RBFOX1: variants seen among roughly 807,000 people sequenced by gnomAD.
RBFOX1 encodes RNA binding fox-1 homolog 1.
In RBFOX1, 8 loss-of-function variants were observed where a neutral mutation model predicts 57.7. The ratio of observed to expected loss-of-function variants is 0.14; its 90% CI spans 0.08 to 0.25. The LOEUF is 0.25. Ranked by LOEUF, RBFOX1 falls within the 10% of genes least tolerant of loss-of-function variation. RBFOX1 has a pLI of 1.00. For missense variants in RBFOX1, 611 were observed against 548.5 expected (o/e 1.11, Z -1.14); for synonymous variants, 326 against 222.4 (o/e 1.47, Z -4.15).
chr16:7,301,368 C>T (rs1281450875), intron 4 of RBFOX1, among the ~76,000 whole-genome samples: 1 of 152,214 alleles, frequency 6.6e-6, no homozygotes, highest in African/African-American at 2.4e-5. Flanking sequence ...CAGAGCCCGA[C>T]TCCAAATAAT....
At chr16:5,635,367 C>T (rs1225521854) in intron 3 of RBFOX1, among the ~76,000 whole-genome samples, 5 of 152,160 alleles carry the variant, frequency 3.3e-5, no homozygotes, top group African/African-American at 9.7e-5. Flanking sequence ...GAATGTGGTT[C>T]TCTAGGCAGC....
chr16:5,855,789 C>G (rs1171774420), intron 3 of RBFOX1, among the ~76,000 whole-genome samples: 1 of 151,872 alleles, frequency 6.6e-6, no homozygotes, highest in Non-Finnish European at 1.5e-5. Context: ...AGGGATCATA[C>G]TGACTGTAGA....
chr16:6,084,740 C>T (rs1315567725), intron 1 of RBFOX1, among the ~76,000 whole-genome samples: 1 of 151,856 alleles, frequency 6.6e-6, no homozygotes, highest in African/African-American at 2.4e-5. Flanking sequence ...TTCAGAGGGC[C>T]CACCTCTTCA....
chr16:6,700,359 A>T (rs1187171603), intron 3 of RBFOX1, among the ~76,000 whole-genome samples: 3 of 102,148 alleles, frequency 2.9e-5, no homozygotes, highest in Non-Finnish European at 7.5e-5. Flanking sequence ...GGTTAAAACA[A>T]AAAAAAAAAG....
At chr16:7,443,104 G>T (rs550135149) in intron 4 of RBFOX1, among the ~76,000 whole-genome samples, 1 of 152,244 alleles carries the variant, frequency 6.6e-6, no homozygotes, top group African/African-American at 2.4e-5. Flanking sequence ...CTCTTACCAA[G>T]GATAAAATGT....
chr16:7,323,050 C>G (rs534507912), intron 4 of RBFOX1, among the ~76,000 whole-genome samples: 28 of 152,210 alleles, frequency 1.8e-4, no homozygotes, highest in Middle Eastern at 3.4e-3. Context: ...TCCTTTACCT[C>G]TAAGGACTGT....
At chr16:7,294,254 C>T (rs1049279288) in intron 4 of RBFOX1, among the ~76,000 whole-genome samples, 8 of 152,086 alleles carry the variant, frequency 5.3e-5, no homozygotes, top group Admixed American at 1.3e-4. Flanking sequence ...CACGCACTTA[C>T]ATTCAGTCCT....
At chr16:5,478,936 C>G (rs1375166890) in intron 2 of RBFOX1, among the ~76,000 whole-genome samples, 3 of 152,210 alleles carry the variant, frequency 2.0e-5, no homozygotes, top group Non-Finnish European at 4.4e-5. Context: ...GGGATCCTCA[C>G]TATCACTAGC....
intron 3 of RBFOX1, among the ~76,000 whole-genome samples, chr16:5,637,525 A>G (rs2048722464): frequency 1.3e-5 from 2 of 152,236 alleles, no homozygotes; most frequent in African/African-American, 4.8e-5. Flanking sequence ...AGTGTGATGC[A>G]CCTAGACTAT....
chr16:6,286,088 C>T (rs1239726172), intron 1 of RBFOX1, among the ~76,000 whole-genome samples: 1 of 151,986 alleles, frequency 6.6e-6, no homozygotes, highest in Non-Finnish European at 1.5e-5. Context: ...CACGTATGGC[C>T]CTCTTTCCAG....
At chr16:5,432,559 G>GTTTTTTTTTTTTTTTTGTTTTTTTT (rs35344614) in intron 1 of RBFOX1, among the ~76,000 whole-genome samples, 10 of 94,228 alleles carry the variant, frequency 1.1e-4, no homozygotes, top group East Asian at 3.2e-4. Flanking sequence ...TTGTTTGTTT[G>GTTTTTTTTTTTTTTTTGTTTTTTTT]TTTTTTTTTT....
intron 4 of RBFOX1, among the ~76,000 whole-genome samples, chr16:7,438,970 C>A (rs1028264012): frequency 1.3e-5 from 2 of 152,142 alleles, no homozygotes; most frequent in East Asian, 3.9e-4. Context: ...GTGAGAAGCA[C>A]CTGTATGTAG....
At chr16:5,342,228 G>A (rs1193414660) in intron 1 of RBFOX1, among the ~76,000 whole-genome samples, 3 of 152,142 alleles carry the variant, frequency 2.0e-5, no homozygotes, top group Non-Finnish European at 2.9e-5. Context: ...CAGTTCCAAA[G>A]GTGGCCTCTG....
chr16:7,696,569 G>C (rs1012628897), intron 14 of RBFOX1, among the ~76,000 whole-genome samples: 3 of 148,626 alleles, frequency 2.0e-5, no homozygotes, highest in Non-Finnish European at 4.4e-5. Flanking sequence ...AATATCTCTA[G>C]TCCTTTGTGG....
At chr16:7,639,199 T>C (rs2062325091) in intron 11 of RBFOX1, among the ~76,000 whole-genome samples, 1 of 152,186 alleles carries the variant, frequency 6.6e-6, no homozygotes, top group Admixed American at 6.5e-5. Flanking sequence ...CCAGTTTCCT[T>C]GGGCAAAATG....
chr16:7,141,452 T>C, intron 4 of RBFOX1, among the ~76,000 whole-genome samples: 1 of 152,084 alleles, frequency 6.6e-6, no homozygotes, highest in East Asian at 1.9e-4. Flanking sequence ...TTCTCAGGTG[T>C]GCTCTAAGGG....
rs114956881 is a variant in RBFOX1 at position 6,452,314 on chromosome 16, C to G, written c.-64+135257C>G. Among the ~76,000 whole-genome samples the G allele has an allele frequency of 2.3e-3, 354 of 151,936 alleles. 1 individual carries two copies. The highest frequency in any genetic ancestry group is 8.1e-3 in the African/African-American group (335 of 41,448). On this transcript the variant is annotated intron_variant, in intron 2 of 15. Coordinates refer to ENST00000550418, the MANE Select transcript of RBFOX1 (RefSeq NM_018723.4). ...TCCATGGCTGCATCCTTTCATGACT[C>G]TATCCATGGTCCCTTCCTTCCATGG...
chr16:6,828,508 G>A (rs1225096760), intron 3 of RBFOX1, among the ~76,000 whole-genome samples: 3 of 151,488 alleles, frequency 2.0e-5, no homozygotes, highest in African/African-American at 7.3e-5. Flanking sequence ...TGGCAACAGA[G>A]CGAGACGTGT....
In RBFOX1 at chr16:6,969,773, A is replaced by C. The variant is rs373698533; in HGVS notation, c.-15-82284A>C. On this transcript the variant is annotated intron_variant, in intron 3 of 15. Transcript: ENST00000550418. The stretch of plus-strand genomic sequence containing the variant: ...AAATAAAAATAAGGTAACGTATCTT[A>C]ATTGCTGAGCTCTCTGGTGCCCCCT... Among the ~76,000 whole-genome samples the C allele has an allele frequency of 3.9e-5, 6 of 151,956 alleles. No homozygotes were observed. In the East Asian group the frequency reaches 1.2e-3, roughly 29 times the overall value.
Sources: gnomAD v4.1 joint callset for allele counts (sites outside exome capture counted in the v4.1 genomes callset) on GRCh38, gnomAD v4.1.1 for gene constraint, MANE v1.5 for transcripts, NCBI Gene and HGNC (gene_info 2026-07-23, HGNC 2026-07-21) for gene names.